Variants in MEX3D observed in about 807,000 individuals in gnomAD.
The protein encoded by MEX3D is mex-3 RNA binding family member D, also known as RNA-binding protein MEX3D.
In MEX3D, 4 loss-of-function variants were observed where a neutral mutation model predicts 6.3. The observed-to-expected ratio is 0.64, with a 90% CI of 0.31 to 1.46. The LOEUF is 1.46. MEX3D is among the 40% of genes most tolerant of loss of function. The pLI, the probability that MEX3D is intolerant of heterozygous loss-of-function variation, is 0.07. For synonymous variants in MEX3D, 626 were observed against 494.1 expected, an observed-to-expected ratio of 1.27 and a Z score of -3.54; for missense variants, 1,038 against 994.4, an observed-to-expected ratio of 1.04 and a Z score of -0.59.
At chr19:1,566,083 G>A (rs919011933) in intron 1 of MEX3D, among the ~76,000 whole-genome samples, 1 of 152,334 alleles carries the variant, frequency 6.6e-6, no homozygotes, top group Admixed American at 6.5e-5. Context: ...CCCGTTCTAG[G>A]CCCTGGGTAT....
Position 1,559,664 on chromosome 19 carries a change from G to A in MEX3D, c.596-2741C>T, listed in dbSNP as rs117882449. ...CAATACAGTCAGAAGGTGGCTCTGA[G>A]GGGAAAACAGTGTTGCTAACTCTCC... On this transcript the variant is annotated intron_variant, in intron 1 of 1. Transcript: ENST00000402693. 6.8e-4 allele frequency among the ~76,000 whole-genome samples: 104 copies of A among 152,310 alleles called. 4 individuals carry two copies. The East Asian group carries it at 0.016, about 23-fold the overall frequency.
intron 1 of MEX3D, among the ~76,000 whole-genome samples, chr19:1,558,049 C>CAAA (rs35362564): frequency 4.8e-5 from 4 of 83,878 alleles, no homozygotes; most frequent in Non-Finnish European, 6.7e-5. Context: ...GACTCCATTT[C>CAAA]AAAAAAAAAA....
chr19:1,555,740 G>GGCCGAGGAC lies in MEX3D; in HGVS notation c.1770_1778dup (p.Ser591_Ala593dup). On this transcript the variant is annotated inframe_insertion, in exon 2 of 2. Transcript: ENST00000402693. ...CCACGCACTCTCGCGCCAGGGCCGG[G>GGCCGAGGAC]GCCGAGGACGCCGAAGGGGGCTTGC... 1 of 1,516,512 alleles carries GGCCGAGGAC rather than the reference G, an allele frequency of 6.6e-7. No homozygotes were observed. Among genetic ancestry groups the GGCCGAGGAC allele is most frequent in the Non-Finnish European group, 8.8e-7 (1 of 1,139,156 alleles). 93.9% of individuals were successfully genotyped at this position (1,516,512 alleles called of 1,614,324 possible). A position where few individuals can be genotyped will look rare whatever the true frequency, so the allele number is the denominator to read the frequency against.
In MEX3D at chr19:1,568,311, C is replaced by T. The variant is rs1004364220; in HGVS notation, c.-253G>A. On this transcript the variant is annotated 5_prime_UTR_variant, in exon 1 of 2. Transcript: ENST00000402693. ...ACGGCGGCGGCGGCTCCTCGGCGGC[C>T]GAGGCGGCGGCGGCGGCGCGGGACG... Among the ~76,000 whole-genome samples, 1 of 139,476 alleles carries T rather than the reference C, an allele frequency of 7.2e-6. No homozygotes were observed. Among genetic ancestry groups the T allele is most frequent in the Non-Finnish European group, 1.6e-5 (1 of 63,488 alleles). 91.5% of individuals were successfully genotyped at this position (139,476 alleles called of 152,430 possible).
At position 1,567,406 on chromosome 19, in the gene MEX3D, C is replaced by A. The variant is rs900763745; in HGVS notation, c.595+58G>T. The A allele has an allele frequency of 2.2e-4, 331 of 1,491,594 alleles. 2 individuals carry two copies. Among genetic ancestry groups the A allele is most frequent in the Middle Eastern group, 1.2e-3 (5 of 4,184 alleles). The allele number at this position is 1,491,594 out of a possible 1,614,324, so 92.4% of individuals were successfully genotyped here. A position where few individuals can be genotyped will look rare whatever the true frequency, so the allele number is the denominator to read the frequency against. Reference sequence around the variant, plus strand: ...GGGCTGGGCTCGGGCGACCCCCTTCCCCGGGGCGGACGGTGCGGGGACCCC... The same window carrying A: ...GGGCTGGGCTCGGGCGACCCCCTTCACCGGGGCGGACGGTGCGGGGACCCC... On this transcript the variant is annotated intron_variant, in intron 1 of 1. Transcript: ENST00000402693. The surrounding 1 kb of genome is among the most constrained non-coding windows in gnomAD (Gnocchi z 6.5).
rs924559768 is a variant in MEX3D at position 1,556,207 on chromosome 19, C to T, written c.1312G>A (p.Gly438Ser). ...GCCGTCCCCACCGGGGCACCGGGACCCTCCGCGCCGAAGGCGAAGCCCCCG... is the reference window on the plus strand; with the variant it reads ...GCCGTCCCCACCGGGGCACCGGGACTCTCCGCGCCGAAGGCGAAGCCCCCG... The part of the protein sequence containing the change: ...GNGGFAFGAE[G>S]PGAPVGTAAP... The change falls in exon 2 of 2, where the codon GGT (glycine) becomes AGT (serine). Residue 438 changes from glycine to serine, a missense_variant. Around this residue, in one of 5 missense-constraint regions of MEX3D, gnomAD observed 581 missense variants for 516.2 expected, o/e 1.13. Coordinates refer to ENST00000402693, the MANE Select transcript of MEX3D (RefSeq NM_203304.4). This position sits in a 1 kb window ranked among gnomAD's most constrained non-coding sequence, Gnocchi z 7.5. 16 of 1,434,258 alleles carry T rather than the reference C, an allele frequency of 1.1e-5. No individual in the cohort carries two copies. The highest frequency in any genetic ancestry group is 4.5e-5 in the African/African-American group (3 of 65,978). 88.8% of individuals were successfully genotyped at this position (1,434,258 alleles called of 1,614,324 possible). A position where few individuals can be genotyped will look rare whatever the true frequency, so the allele number is the denominator to read the frequency against.
rs931325430 is a variant in MEX3D, at chr19:1,564,054, T to C, written c.595+3410A>G. ...GATTCCTAGGCTCGAGGGATCCTCC[T>C]GCCTCAGCCTCTCTGAGTGCTGCTA... On this transcript the variant is annotated intron_variant, in intron 1 of 1. Transcript: ENST00000402693. Among the ~76,000 whole-genome samples the C allele has an allele frequency of 4.6e-5, 7 of 151,320 alleles. No individual in the cohort carries two copies. In the East Asian group the frequency reaches 9.9e-4, roughly 21 times the overall value.
In MEX3D at chr19:1,567,618, G is replaced by C. The variant is rs1201863748; in HGVS notation, c.441C>G (p.Phe147Leu). 7 of 1,394,366 alleles carry C rather than the reference G, an allele frequency of 5.0e-6. No individual in the cohort carries two copies. The highest frequency in any genetic ancestry group is 2.4e-4 in the Middle Eastern group (1 of 4,166). The allele number at this position is 1,394,366 out of a possible 1,614,324, so 86.4% of individuals were successfully genotyped here. ...PPPRPSPPDVFAGFAPHPAAL... is the reference protein window; with the variant it reads ...PPPRPSPPDVLAGFAPHPAAL... ...CCGCGGGGTGGGGCGCGAAGCCCGC[G>C]AACACGTCGGGGGGCGACGGCCGGG... The change falls in exon 1 of 2, where the codon TTC (phenylalanine) becomes TTG (leucine). Residue 147 changes from phenylalanine (F) to leucine (L), a missense_variant. Transcript: ENST00000402693. The surrounding 1 kb of genome is among the most constrained non-coding windows in gnomAD (Gnocchi z 6.5).
chr19:1,564,406 G>A (rs1487423217), intron 1 of MEX3D, among the ~76,000 whole-genome samples: 1 of 152,012 alleles, frequency 6.6e-6, no homozygotes, highest in Non-Finnish European at 1.5e-5. Context: ...AGTGGCACGT[G>A]CCTGTAATCC....
intron 1 of MEX3D, among the ~76,000 whole-genome samples, chr19:1,560,590 G>A (rs1181635232): frequency 6.6e-6 from 1 of 152,194 alleles, no homozygotes; most frequent in Non-Finnish European, 1.5e-5. Flanking sequence ...GACAAATTTG[G>A]GAGATGGAGG....
At position 1,568,020 on chromosome 19, in the gene MEX3D, GC is replaced by G; in HGVS notation, c.38del (p.Gly13AlafsTer155). On this transcript the variant is annotated frameshift_variant, in exon 1 of 2. Transcript: ENST00000402693. LOFTEE classifies it high-confidence loss of function. The stretch of plus-strand genomic sequence containing the variant: ...CCACGCCGCCGCCGCCGCCGCCCCC[GC>G]CCCCGCCGCCGTCGGGCTGGCCGAG... ...SSLGQPDGGGGGGGGGGGVGA... is the reference protein window; with the variant it reads ...SSLGQPDGGGXGGGGGGGVGA... 2 of 973,948 alleles carry G rather than the reference GC, an allele frequency of 2.1e-6. No individual in the cohort carries two copies. Among genetic ancestry groups the G allele is most frequent in the Non-Finnish European group, 2.4e-6 (2 of 825,446 alleles). 60.3% of individuals were successfully genotyped at this position (973,948 alleles called of 1,614,324 possible).
Position 1,556,533 on chromosome 19 carries a change from C to T in MEX3D, c.986G>A (p.Arg329His), listed in dbSNP as rs770152587. The T allele has an allele frequency of 3.1e-6, 5 of 1,606,898 alleles. No individual in the cohort carries two copies. The highest frequency in any genetic ancestry group is 1.1e-5 in the South Asian group (1 of 90,906). The change falls in exon 2 of 2, where the codon CGC becomes CAC. Residue 329 changes from arginine (R) to histidine (H), a missense_variant. Transcript: ENST00000402693. This position sits in a 1 kb window ranked among gnomAD's most constrained non-coding sequence, Gnocchi z 7.5. Reference protein sequence around the residue: ...AVTGMPENVDRAREEIEAHIT... With the variant: ...AVTGMPENVDHAREEIEAHIT... ...GTGCGCCTCGATCTCCTCGCGCGCG[C>T]GGTCCACGTTCTCGGGCATCCCAGT...
At chr19:1,560,419 C>G (rs371883053) in intron 1 of MEX3D, among the ~76,000 whole-genome samples, 3 of 152,256 alleles carry the variant, frequency 2.0e-5, no homozygotes, top group Non-Finnish European at 4.4e-5. Flanking sequence ...CGGCAGAGGG[C>G]AGAGCCCGCC....
chr19:1,560,787 C>T (rs1914697803), intron 1 of MEX3D, among the ~76,000 whole-genome samples: 1 of 152,198 alleles, frequency 6.6e-6, no homozygotes, highest in Non-Finnish European at 1.5e-5. Context: ...AAAGACGGAG[C>T]TGGAGCTCAA....
chr19:1,566,554 G>A (rs1398150242), intron 1 of MEX3D, among the ~76,000 whole-genome samples: 1 of 152,084 alleles, frequency 6.6e-6, no homozygotes, highest in African/African-American at 2.4e-5. Flanking sequence ...GCTGATCACT[G>A]GCGGTCAGCG....
At chr19:1,561,078 A>G (rs1357196789) in intron 1 of MEX3D, among the ~76,000 whole-genome samples, 3 of 152,304 alleles carry the variant, frequency 2.0e-5, no homozygotes, top group African/African-American at 7.2e-5. Context: ...ACCACCCCAG[A>G]GTCTGGCCCT....
intron 1 of MEX3D, among the ~76,000 whole-genome samples, chr19:1,560,426 C>T (rs1041611479): frequency 1.3e-5 from 2 of 152,224 alleles, no homozygotes; most frequent in Non-Finnish European, 1.5e-5. Flanking sequence ...GGGCAGAGCC[C>T]GCCAGCGTTG....
Position 1,556,511 on chromosome 19 carries a change from C to A in MEX3D, c.1008G>T (p.Ala336=). The change falls in exon 2 of 2, where the codon GCG becomes GCT. Residue 336 remains alanine (A), a synonymous_variant. Transcript: ENST00000402693. This position sits in a 1 kb window ranked among gnomAD's most constrained non-coding sequence, Gnocchi z 7.5. ...AGGCGCCAGTGCGCAGCGTGATGTG[C>A]GCCTCGATCTCCTCGCGCGCGCGGT... is the stretch of plus-strand genomic sequence containing the variant. ...NVDRAREEIE[A]HITLRTGAFT... 1 of 1,605,824 alleles carries A rather than the reference C, an allele frequency of 6.2e-7. No homozygotes were observed. The highest frequency in any genetic ancestry group is 8.5e-7 in the Non-Finnish European group (1 of 1,177,650).
intron 1 of MEX3D, among the ~76,000 whole-genome samples, chr19:1,565,541 CATAA>C (rs888466639): frequency 6.6e-6 from 1 of 152,164 alleles, no homozygotes; most frequent in Non-Finnish European, 1.5e-5. Flanking sequence ...AACTCCGTCT[CATAA>C]ATAAATAAAT....
Sources: allele counts gnomAD v4.1 joint callset (sites outside exome capture counted in the v4.1 genomes callset), GRCh38; gene constraint gnomAD v4.1.1; regional missense constraint gnomAD v4.1.1; non-coding constraint Gnocchi (gnomAD v3.1); transcripts MANE v1.5; gene names NCBI Gene and HGNC (gene_info 2026-07-23, HGNC 2026-07-21).